ANK1: variants seen among roughly 807,000 people sequenced by gnomAD.
ANK1 encodes the protein ankyrin 1.
A neutral mutation model predicts 210.4 loss-of-function variants in ANK1; 51 were observed. The ratio of observed to expected loss-of-function variants is 0.24; its 90% CI spans 0.19 to 0.31. The LOEUF is 0.31. ANK1 is among the 10% of genes least tolerant of loss of function. The probability of loss-of-function intolerance (pLI) is 1.00; values close to 1 mark genes in which losing one functional copy is unlikely to be tolerated. For missense variants in ANK1, 2,051 were observed against 2,504.4 expected (o/e 0.82, Z 3.86); for synonymous variants, 967 against 1,025.9 (o/e 0.94, Z 1.10).
intron 1 of ANK1, among the ~76,000 whole-genome samples, chr8:41,835,695 T>G (rs4737013): frequency 0.32 from 48,690 of 152,120 alleles, 8,919 homozygotes; most frequent in East Asian, 0.76. Context: ...TTTTAAATAG[T>G]TGAGAAAAGG....
intron 3 of ANK1, among the ~76,000 whole-genome samples, chr8:41,732,746 T>C (rs566688505): frequency 6.6e-6 from 1 of 151,894 alleles, no homozygotes; most frequent in South Asian, 2.1e-4. Flanking sequence ...TATTTATTTT[T>C]GAGATGGAGT....
At chr8:41,883,581 T>A (rs1329057228) in intron 1 of ANK1, among the ~76,000 whole-genome samples, 6 of 152,116 alleles carry the variant, frequency 3.9e-5, no homozygotes, top group Non-Finnish European at 1.5e-5. Flanking sequence ...CACCTCAACC[T>A]CCTAAGTAGC....
At chr8:41,718,235 C>T (rs1828257788) in intron 10 of ANK1, 31 bp from the exon 11 acceptor site, 3 of 1,608,026 alleles carry the variant, frequency 1.9e-6, no homozygotes, top group Non-Finnish European at 2.6e-6. Flanking sequence ...GACAGACAAG[C>T]AGGAGCTTAC....
At position 41,715,768 on chromosome 8, in the gene ANK1, G is replaced by C. The variant is rs138685137; in HGVS notation, c.1486C>G (p.Pro496Ala). The C allele has an allele frequency of 1.2e-6, 2 of 1,614,096 alleles. No individual in the cohort carries two copies. Among genetic ancestry groups the C allele is most frequent in the Non-Finnish European group, 1.7e-6 (2 of 1,180,054 alleles). ...VKLLLENNANPNLATTAGHTP... is the reference protein window; with the variant it reads ...VKLLLENNANANLATTAGHTP... ...TGCCCGGCGGTGGTGGCCAGGTTGG[G>C]GTTGGCGTTATTTTCCAGCAGGAGC... The change falls in exon 14 of 43, where the codon CCC becomes GCC. Residue 496 changes from proline to alanine, a missense_variant. This residue lies in a region of ANK1 where 1,413 missense variants were observed against 1,707.4 expected (regional missense o/e 0.83). Transcript: ENST00000289734.
intron 7 of ANK1, among the ~76,000 whole-genome samples, chr8:41,724,093 C>T (rs1194478379): frequency 1.3e-5 from 2 of 152,130 alleles, no homozygotes; most frequent in Non-Finnish European, 2.9e-5. Context: ...CGGCCTAAGA[C>T]ATTTTAAAAC....
rs1823930924 is a variant in ANK1 at position 41,704,268 on chromosome 8, A to C, written c.2196+106T>G. On this transcript the variant is annotated intron_variant, in intron 19 of 42. Transcript: ENST00000289734. This position sits in a 1 kb window ranked among gnomAD's most constrained non-coding sequence, Gnocchi z 4.1. ...ATGCATTTTCCCCCTTTCTTCCTTCAGGGTCCATGGTCAAAACCCTAGTGC... is the reference window on the plus strand; with the variant it reads ...ATGCATTTTCCCCCTTTCTTCCTTCCGGGTCCATGGTCAAAACCCTAGTGC... 7.2e-7 allele frequency: 1 copy of C among 1,388,152 alleles called. No homozygotes were observed. The highest frequency in any genetic ancestry group is 1.4e-5 in the African/African-American group (1 of 70,476). 86.0% of individuals were successfully genotyped at this position (1,388,152 alleles called of 1,614,324 possible). A position where few individuals can be genotyped will look rare whatever the true frequency, so the allele number is the denominator to read the frequency against.
Position 41,702,149 on chromosome 8 carries a change from G to GGAAA in ANK1, c.2296-9_2296-6dup. The GGAAA allele has an allele frequency of 1.2e-6, 2 of 1,613,210 alleles. No homozygotes were observed. Among genetic ancestry groups the GGAAA allele is most frequent in the African/African-American group, 1.3e-5 (1 of 75,056 alleles). ...GGCCAGAGGTGTGGTTCCATCCTGG[G>GGAAA]GAAAGAGCAGCCCGGGTGCAGTCAG... On this transcript the variant is annotated splice_polypyrimidine_tract_variant and splice_region_variant and intron_variant, in intron 20 of 42. Coordinates refer to ENST00000289734, the MANE Select transcript of ANK1 (RefSeq NM_000037.4).
At chr8:41,721,459 C>T (rs555233490) in intron 9 of ANK1, among the ~76,000 whole-genome samples, 1 of 152,204 alleles carries the variant, frequency 6.6e-6, no homozygotes, top group East Asian at 1.9e-4. Flanking sequence ...GAGTTCGAGA[C>T]CAGCCTGGCT....
chr8:41,701,749 C>T, intron 21 of ANK1, 127 bp from the exon 22 acceptor site: 8 of 1,030,270 alleles, frequency 7.8e-6, no homozygotes, highest in Non-Finnish European at 1.2e-5. Context: ...GGAGGAGGCG[C>T]TCAGCCTGGA....
At chr8:41,878,653 G>C (rs1238860348) in intron 1 of ANK1, among the ~76,000 whole-genome samples, 1 of 152,210 alleles carries the variant, frequency 6.6e-6, no homozygotes, top group African/African-American at 2.4e-5. Flanking sequence ...AAAGTAATGA[G>C]TAATTTTAAC....
At chr8:41,824,329 C>G (rs1804984228) in intron 1 of ANK1, among the ~76,000 whole-genome samples, 1 of 152,152 alleles carries the variant, frequency 6.6e-6, no homozygotes, top group Non-Finnish European at 1.5e-5. Context: ...GTCATTAACT[C>G]ACTCATGCAA....
intron 26 of ANK1, 75 bp downstream of exon 26, chr8:41,696,288 T>C: frequency 6.5e-7 from 1 of 1,532,066 alleles, no homozygotes; most frequent in Admixed American, 1.7e-5. Context: ...TGTTTCCCCA[T>C]CAGGACAGAT....
intron 26 of ANK1, 99 bp from the exon 27 acceptor site, chr8:41,695,430 C>T: frequency 1.3e-6 from 2 of 1,552,332 alleles, no homozygotes; most frequent in Non-Finnish European, 1.8e-6. Context: ...ATGGATAAGG[C>T]ACTTCCGCAG....
chr8:41,736,644 G>T (rs576805293), intron 2 of ANK1, among the ~76,000 whole-genome samples: 3 of 152,202 alleles, frequency 2.0e-5, no homozygotes, highest in African/African-American at 7.2e-5. Flanking sequence ...CAGCGCAGTC[G>T]CTCTGATGAG....
chr8:41,761,287 C>T (rs887760203), intron 1 of ANK1, among the ~76,000 whole-genome samples: 5 of 150,862 alleles, frequency 3.3e-5, no homozygotes, highest in Non-Finnish European at 7.4e-5. Flanking sequence ...ACATGCACAC[C>T]AAGAGATGCA....
chr8:41,716,125 T>C (rs982483387), intron 13 of ANK1, among the ~76,000 whole-genome samples: 2 of 152,206 alleles, frequency 1.3e-5, no homozygotes, highest in African/African-American at 4.8e-5. Flanking sequence ...AAAATGGGAA[T>C]AATAACGTCT....
At chr8:41,688,379 T>C (rs1818280651) in intron 34 of ANK1, 132 bp downstream of exon 34, 2 of 1,426,032 alleles carry the variant, frequency 1.4e-6, no homozygotes, top group Admixed American at 1.7e-5. Context: ...CCGAGTCAGC[T>C]CTGCAGCTGC....
At chr8:41,729,740 C>G (rs1368347357) in intron 3 of ANK1, among the ~76,000 whole-genome samples, 1 of 152,230 alleles carries the variant, frequency 6.6e-6, no homozygotes, top group South Asian at 2.1e-4. Context: ...GACCAGCAGC[C>G]TCCATCTGTT....
At chr8:41,731,569 C>G (rs760956436) in intron 3 of ANK1, among the ~76,000 whole-genome samples, 30 of 151,102 alleles carry the variant, frequency 2.0e-4, no homozygotes, top group Non-Finnish European at 4.3e-4. Flanking sequence ...TGGCTTTTTA[C>G]TCTTTTTCTT....
Sources: gnomAD v4.1 joint callset for allele counts (sites outside exome capture counted in the v4.1 genomes callset) on GRCh38, gnomAD v4.1.1 for gene constraint, gnomAD v4.1.1 regional missense constraint, Gnocchi (gnomAD v3.1) non-coding constraint, MANE v1.5 for transcripts, NCBI Gene and HGNC (gene_info 2026-07-23, HGNC 2026-07-21) for gene names.